The following TMTC3 variants were observed in gnomAD, a reference collection of about 807,000 sequenced individuals.
TMTC3 encodes the protein protein O-mannosyl-transferase TMTC3.
TMTC3 carries 52 observed loss-of-function variants against 92.2 expected under a neutral mutation model. The ratio of observed to expected loss-of-function variants is 0.56; its 90% CI spans 0.45 to 0.71. The LOEUF (loss-of-function observed/expected upper bound fraction) is 0.71. Ranked by LOEUF, TMTC3 falls within the 30% of genes least tolerant of loss-of-function variation. The pLI is 0.00. For missense variants in TMTC3, 896 were observed against 1,057.1 expected (o/e 0.85, Z 2.11); for synonymous variants, 339 against 363.3 (o/e 0.93, Z 0.76).
At chr12:88,178,619 A>C (rs1390180322) in intron 10 of TMTC3, among the ~76,000 whole-genome samples, 1 of 150,740 alleles carries the variant, frequency 6.6e-6, no homozygotes, top group African/African-American at 2.5e-5. Context: ...CATCTGATTC[A>C]TTTTTGTACC....
intron 11 of TMTC3, 52 bp from the exon 12 acceptor site, chr12:88,190,401 G>C: frequency 1.3e-6 from 2 of 1,547,898 alleles, no homozygotes; most frequent in South Asian, 1.1e-5. Context: ...ATGTACTTTT[G>C]ATTTTTGATA....
intron 2 of TMTC3, 76 bp from the exon 3 acceptor site, chr12:88,153,215 G>T: frequency 8.3e-6 from 7 of 838,908 alleles, no homozygotes; most frequent in South Asian, 5.8e-5. Flanking sequence ...ATCTTTAATG[G>T]TAAATGCAGT....
chr12:88,184,812 T>TAC (rs915929753), intron 10 of TMTC3, among the ~76,000 whole-genome samples: 7 of 152,046 alleles, frequency 4.6e-5, no homozygotes, highest in African/African-American at 1.7e-4. Flanking sequence ...AATATATATA[T>TAC]ACACACACAC....
At position 88,149,911 on chromosome 12, in the gene TMTC3, T is replaced by A. The variant is rs368188755; in HGVS notation, c.189+1407T>A. Among the ~76,000 whole-genome samples, 5 of 152,302 alleles carry A rather than the reference T, an allele frequency of 3.3e-5. No individual in the cohort carries two copies. The East Asian group carries it at 5.8e-4, about 18-fold the overall frequency. ...TGTCCTCCTCTATACCTACCTTTGATCTCCAGAGACCCTCAGAACTATGTG... is the reference window on the plus strand; with the variant it reads ...TGTCCTCCTCTATACCTACCTTTGAACTCCAGAGACCCTCAGAACTATGTG... On this transcript the variant is annotated intron_variant, in intron 2 of 13. Coordinates refer to ENST00000266712, the MANE Select transcript of TMTC3 (RefSeq NM_181783.4).
chr12:88,195,574 C>T lies in TMTC3; in HGVS notation c.2670C>T (p.Ile890=). The change falls in exon 14 of 14, where the codon ATC becomes ATT. Residue 890 remains isoleucine (I), a synonymous_variant. Transcript: ENST00000266712. ...CACCCCACAAAACAACAAAAGACAT[C>T]AAAGAAATTGAGAAGAAAAGAGTTG... ...EETPHKTTKD[I]KEIEKKRVAA... 1.2e-6 allele frequency: 2 copies of T among 1,608,308 alleles called. No individual in the cohort carries two copies. The highest frequency in any genetic ancestry group is 1.7e-4 in the Middle Eastern group (1 of 6,024).
intron 10 of TMTC3, among the ~76,000 whole-genome samples, chr12:88,181,372 T>C (rs2041316481): frequency 6.6e-6 from 1 of 152,190 alleles, no homozygotes; most frequent in African/African-American, 2.4e-5. Context: ...GGAGGAGACA[T>C]GCCTGTGAGT....
intron 7 of TMTC3, among the ~76,000 whole-genome samples, chr12:88,167,127 G>A (rs1308212096): frequency 6.6e-6 from 1 of 151,836 alleles, no homozygotes; most frequent in Non-Finnish European, 1.5e-5. Context: ...GGGTGCGTTG[G>A]TTCTTGCCTG....
intron 10 of TMTC3, among the ~76,000 whole-genome samples, chr12:88,179,886 T>C (rs992861651): frequency 2.0e-5 from 3 of 152,224 alleles, no homozygotes; most frequent in Non-Finnish European, 4.4e-5. Context: ...CAAATTTATC[T>C]AGATAAGTTC....
At chr12:88,166,730 C>T (rs182543805) in intron 7 of TMTC3, 148 bp downstream of exon 7, 41 of 899,922 alleles carry the variant, frequency 4.6e-5, no homozygotes, top group Non-Finnish European at 4.9e-6. Context: ...TGAGTTTATC[C>T]CAAAATTCTC....
At chr12:88,146,121 T>C (rs1292750086) in intron 1 of TMTC3, among the ~76,000 whole-genome samples, 1 of 152,124 alleles carries the variant, frequency 6.6e-6, no homozygotes, top group African/African-American at 2.4e-5. Context: ...TGCCTATGCC[T>C]TTGTGTAAAT....
intron 10 of TMTC3, among the ~76,000 whole-genome samples, chr12:88,176,693 T>C (rs7133754): frequency 0.12 from 18,091 of 152,204 alleles, 1,979 homozygotes; most frequent in African/African-American, 0.29. Context: ...GAGGATTCCT[T>C]GAGCCCAGGA....
Position 88,148,436 on chromosome 12 carries a change from G to T in TMTC3, c.121G>T (p.Asp41Tyr). 6.2e-7 allele frequency: 1 copy of T among 1,613,338 alleles called. No homozygotes were observed. The highest frequency in any genetic ancestry group is 1.7e-5 in the Admixed American group (1 of 59,940). ...TGTTTCAGCAATACTGGATAACAAA[G>T]ACTTGCATCCATCTACACCTTTAAA... ...DDVSAILDNK[D>Y]LHPSTPLKTL... Residue 41 changes from aspartate to tyrosine, a missense_variant, in exon 2 of 14, where the codon GAC (aspartate) becomes TAC (tyrosine). By Grantham distance (160) the Asp-to-Tyr change is radical. Coordinates refer to ENST00000266712, the MANE Select transcript of TMTC3 (RefSeq NM_181783.4).
rs150142881 is a variant in TMTC3 at position 88,153,412 on chromosome 12, G to C, written c.311G>C (p.Ser104Thr). 2.3e-5 allele frequency: 37 copies of C among 1,613,570 alleles called. No homozygotes were observed. The African/African-American group carries it at 4.1e-4, about 18-fold the overall frequency. The change falls in exon 3 of 14, where the codon AGT becomes ACT. Residue 104 changes from serine (S) to threonine (T), a missense_variant. By Grantham distance (58) the Ser-to-Thr change is moderately conservative (BLOSUM62 1). Transcript: ENST00000266712. Reference protein sequence around the residue: ...LLNMIFHAVVSVIFLKVCKLF... With the variant: ...LLNMIFHAVVTVIFLKVCKLF... ...AATATGATTTTTCATGCTGTGGTTA[G>C]TGTGATATTTCTCAAAGTATGCAAA... is the stretch of plus-strand genomic sequence containing the variant.
Position 88,190,567 on chromosome 12 carries a change from C to T in TMTC3, c.1651C>T (p.Leu551=), listed in dbSNP as rs768869693. Residue 551 remains leucine, a synonymous_variant, in exon 12 of 14, where the codon CTG becomes TTG. Transcript: ENST00000266712. ...NESRLEEADQ[L]YRQAISMRPD... ...GTCCCGACTGGAAGAAGCAGATCAG[C>T]TGTACCGTCAAGCAATAAGCATGAG... The T allele has an allele frequency of 1.3e-5, 21 of 1,613,788 alleles. No homozygotes were observed. Among genetic ancestry groups the T allele is most frequent in the African/African-American group, 2.7e-5 (2 of 74,894 alleles).
intron 13 of TMTC3, among the ~76,000 whole-genome samples, 193 bp downstream of exon 13, chr12:88,193,023 CAT>C (rs1448091607): frequency 6.6e-6 from 1 of 152,060 alleles, no homozygotes; most frequent in Admixed American, 6.6e-5. Flanking sequence ...TGCATTCTAA[CAT>C]ATGATAATAC....
Position 88,160,734 on chromosome 12 carries a change from G to A in TMTC3, c.680G>A (p.Ser227Asn). The A allele has an allele frequency of 1.2e-6, 2 of 1,613,584 alleles. No homozygotes were observed. Among genetic ancestry groups the A allele is most frequent in the South Asian group, 1.1e-5 (1 of 91,048 alleles). Reference protein sequence around the residue: ...TAGQFLRGKGSIPFSMLQTLV... With the variant: ...TAGQFLRGKGNIPFSMLQTLV... ...GGACAGTTTCTCCGTGGAAAGGGTA[G>A]CATTCCATTTTCTATGCTGCAGACA... Residue 227 changes from serine (S) to asparagine (N), a missense_variant, in exon 6 of 14, where the codon AGC becomes AAC. Ser to Asn is a conservative substitution (Grantham distance 46). Coordinates refer to ENST00000266712, the MANE Select transcript of TMTC3 (RefSeq NM_181783.4).
At chr12:88,160,900 G>C (rs1276413034) in intron 6 of TMTC3, 49 bp downstream of exon 6, 2 of 1,473,742 alleles carry the variant, frequency 1.4e-6, no homozygotes, top group African/African-American at 2.9e-5. Context: ...TTTAACTTTG[G>C]ATTTTAATGA....
intron 10 of TMTC3, 100 bp from the exon 11 acceptor site, chr12:88,188,743 G>A: frequency 1.6e-6 from 1 of 609,690 alleles, no homozygotes; most frequent in Non-Finnish European, 2.7e-6. Flanking sequence ...TAGTTACATT[G>A]AATACTTGTT....
chr12:88,170,209 T>C (rs1025433519), intron 7 of TMTC3, among the ~76,000 whole-genome samples: 1 of 152,142 alleles, frequency 6.6e-6, no homozygotes, highest in Non-Finnish European at 1.5e-5. Flanking sequence ...CCAGAACCTA[T>C]AGATTTTTCC....
Sources: gnomAD v4.1 joint callset for allele counts (sites outside exome capture counted in the v4.1 genomes callset) on GRCh38, gnomAD v4.1.1 for gene constraint, MANE v1.5 for transcripts, NCBI Gene and HGNC (gene_info 2026-07-23, HGNC 2026-07-21) for gene names.